PTPRT: variants seen among roughly 807,000 people sequenced by gnomAD.
The protein encoded by PTPRT is receptor-type tyrosine-protein phosphatase T.
A neutral mutation model predicts 176.8 loss-of-function variants in PTPRT; 56 were observed. The ratio of observed to expected loss-of-function variants is 0.32; its 90% CI spans 0.26 to 0.40. PTPRT has a LOEUF of 0.40. PTPRT is among the 10% of genes least tolerant of loss of function. The pLI is 1.00. For missense variants in PTPRT, 1,540 were observed against 1,908.2 expected (o/e 0.81, Z 3.60); for synonymous variants, 783 against 739.0 (o/e 1.06, Z -0.96).
At chr20:42,858,854 A>G (rs899107736) in intron 2 of PTPRT, among the ~76,000 whole-genome samples, 1 of 152,222 alleles carries the variant, frequency 6.6e-6, no homozygotes, top group African/African-American at 2.4e-5. Context: ...AGCCAAAATC[A>G]AAGCCTAGTT....
chr20:43,150,619 G>A (rs1191575749), intron 1 of PTPRT, among the ~76,000 whole-genome samples: 9 of 152,106 alleles, frequency 5.9e-5, no homozygotes, highest in African/African-American at 1.9e-4. Context: ...ACCATGCCCA[G>A]CTAATTTTTG....
intron 9 of PTPRT, among the ~76,000 whole-genome samples, chr20:42,371,808 G>A (rs951274764): frequency 6.6e-6 from 1 of 152,178 alleles, no homozygotes; most frequent in Non-Finnish European, 1.5e-5. Flanking sequence ...CATCAAGGGG[G>A]CATTATCAGT....
intron 7 of PTPRT, among the ~76,000 whole-genome samples, chr20:42,649,115 G>A (rs773412575): frequency 2.0e-5 from 3 of 152,000 alleles, no homozygotes; most frequent in Admixed American, 6.5e-5. Context: ...CACTGTGCCC[G>A]GCCAAGGAAA....
At chr20:42,676,633 G>C (rs139603650) in intron 7 of PTPRT, among the ~76,000 whole-genome samples, 1 of 151,998 alleles carries the variant, frequency 6.6e-6, no homozygotes, top group Non-Finnish European at 1.5e-5. Flanking sequence ...ATTCCTGACC[G>C]TACCACTGGC....
intron 9 of PTPRT, among the ~76,000 whole-genome samples, chr20:42,436,704 T>C (rs2059264996): frequency 6.6e-6 from 1 of 152,214 alleles, no homozygotes. Context: ...CTTGCACATA[T>C]ACAGGAGAAG....
Position 42,420,574 on chromosome 20 carries a change from C to T in PTPRT, c.1560+27646G>A, listed in dbSNP as rs572407540. ...ATGTTCTCTTCCTCTTTCCTCATTA[C>T]GCTGGTCTCACAAGGGATTCAACTC... On this transcript the variant is annotated intron_variant, in intron 9 of 30. Transcript: ENST00000373187. Among the ~76,000 whole-genome samples, 3 of 152,310 alleles carry T rather than the reference C, an allele frequency of 2.0e-5. No individual in the cohort carries two copies. In the East Asian group the frequency reaches 5.8e-4, roughly 29 times the overall value.
chr20:42,445,719 C>G (rs1368464128), intron 9 of PTPRT, among the ~76,000 whole-genome samples: 1 of 152,182 alleles, frequency 6.6e-6, no homozygotes, highest in African/African-American at 2.4e-5. Flanking sequence ...AAGAAGCTAC[C>G]TGAAGATGTC....
intron 1 of PTPRT, among the ~76,000 whole-genome samples, chr20:43,126,024 G>A (rs183339629): frequency 6.6e-4 from 100 of 152,318 alleles, no homozygotes; most frequent in Admixed American, 2.5e-3. Flanking sequence ...TGAAAACTGT[G>A]TACCCAATCA....
At chr20:42,884,040 T>C (rs1180127999) in intron 2 of PTPRT, among the ~76,000 whole-genome samples, 1 of 150,698 alleles carries the variant, frequency 6.6e-6, no homozygotes. Context: ...AGGAGGGCCA[T>C]GAAGAGTAGA....
chr20:43,072,783 C>G (rs919366436), intron 1 of PTPRT, among the ~76,000 whole-genome samples: 2 of 152,178 alleles, frequency 1.3e-5, no homozygotes, highest in Non-Finnish European at 2.9e-5. Context: ...ATGCTCTTCC[C>G]CTTCAAACTA....
chr20:42,591,678 G>C (rs1043890504), intron 7 of PTPRT, among the ~76,000 whole-genome samples: 1 of 152,166 alleles, frequency 6.6e-6, no homozygotes, highest in African/African-American at 2.4e-5. Context: ...CAAGGCCACA[G>C]AGGCAGCATT....
intron 7 of PTPRT, among the ~76,000 whole-genome samples, chr20:42,612,285 C>T (rs542633583): frequency 2.0e-4 from 30 of 152,308 alleles, no homozygotes; most frequent in African/African-American, 6.0e-4. Context: ...ACACATCCAC[C>T]GAGCTTTTCA....
intron 18 of PTPRT, among the ~76,000 whole-genome samples, chr20:42,140,018 T>C (rs1236807324): frequency 6.6e-6 from 1 of 152,276 alleles, no homozygotes; most frequent in Non-Finnish European, 1.5e-5. Flanking sequence ...AAATGTTTTC[T>C]GATTAGTTCT....
chr20:43,084,511 G>A (rs1306440429), intron 1 of PTPRT, among the ~76,000 whole-genome samples: 2 of 152,154 alleles, frequency 1.3e-5, no homozygotes, highest in African/African-American at 4.8e-5. Flanking sequence ...TCACTATCAT[G>A]AGAACAGCAT....
At chr20:42,830,836 G>C (rs2078072454) in intron 2 of PTPRT, among the ~76,000 whole-genome samples, 1 of 152,100 alleles carries the variant, frequency 6.6e-6, no homozygotes, top group South Asian at 2.1e-4. Flanking sequence ...CAGCTAACCA[G>C]GGAGGTGAAA....
rs940154414 is a variant in PTPRT at position 42,625,754 on chromosome 20, G to T, written c.1153+52112C>A. 2.0e-5 allele frequency among the ~76,000 whole-genome samples: 3 copies of T among 152,054 alleles called. No individual in the cohort carries two copies. The East Asian group carries it at 5.8e-4, about 30-fold the overall frequency. ...ATGAGAGAGAAAAACAGTCAACTCG[G>T]AGATCAGGTAATCAGTGATTGATAA... On this transcript the variant is annotated intron_variant, in intron 7 of 30. Coordinates refer to ENST00000373187, the MANE Select transcript of PTPRT (RefSeq NM_007050.6).
intron 2 of PTPRT, among the ~76,000 whole-genome samples, chr20:42,848,679 C>G (rs1318618437): frequency 2.7e-5 from 4 of 150,784 alleles, no homozygotes; most frequent in Admixed American, 1.3e-4. Context: ...ATTTTTTTTT[C>G]TAATTTGAGT....
At chr20:42,210,199 T>A (rs907297117) in intron 15 of PTPRT, among the ~76,000 whole-genome samples, 9 of 152,152 alleles carry the variant, frequency 5.9e-5, no homozygotes, top group African/African-American at 2.2e-4. Context: ...TCATACTGAA[T>A]GGGCAAAAAC....
chr20:42,654,428 A>G (rs1221648766), intron 7 of PTPRT, among the ~76,000 whole-genome samples: 2 of 152,196 alleles, frequency 1.3e-5, no homozygotes, highest in Non-Finnish European at 2.9e-5. Context: ...AGGAAGTAGC[A>G]ACTGGCCACA....
Sources: allele counts gnomAD v4.1 joint callset (sites outside exome capture counted in the v4.1 genomes callset), GRCh38; gene constraint gnomAD v4.1.1; transcripts MANE v1.5; gene names NCBI Gene and HGNC (gene_info 2026-07-23, HGNC 2026-07-21).